Variants in ZEB1 observed in about 807,000 individuals in gnomAD.
ZEB1 encodes the protein zinc finger E-box-binding homeobox 1.
ZEB1 carries 21 observed loss-of-function variants against 84.9 expected under a neutral mutation model. The observed-to-expected ratio is 0.25, with a 90% CI of 0.18 to 0.36. The LOEUF (loss-of-function observed/expected upper bound fraction) is 0.36, where lower values mean the gene tolerates loss of function less well. Ranked by LOEUF, ZEB1 falls within the 10% of genes least tolerant of loss-of-function variation. The probability of loss-of-function intolerance (pLI) is 1.00; values close to 1 mark genes in which losing one functional copy is unlikely to be tolerated. For missense variants in ZEB1, 1,104 were observed against 1,330.2 expected (o/e 0.83, Z 2.65); for synonymous variants, 420 against 471.1 (o/e 0.89, Z 1.41).
intron 1 of ZEB1, among the ~76,000 whole-genome samples, chr10:31,451,412 C>A (rs1285102058): frequency 6.6e-6 from 1 of 152,072 alleles, no homozygotes; most frequent in Non-Finnish European, 1.5e-5. Context: ...ATATCAATTA[C>A]ATGGCTTCTC....
chr10:31,327,099 C>CTTTTTTTTTT (rs71527629), intron 1 of ZEB1, among the ~76,000 whole-genome samples: 664 of 84,736 alleles, frequency 7.8e-3, no homozygotes, highest in Non-Finnish European at 0.012. Context: ...CTTTTCTTTT[C>CTTTTTTTTTT]TTTTTTTTTT....
chr10:31,401,983 G>GA (rs941361360), intron 1 of ZEB1, among the ~76,000 whole-genome samples: 55 of 147,276 alleles, frequency 3.7e-4, no homozygotes, highest in Middle Eastern at 3.5e-3. Context: ...AACAGAAGAA[G>GA]AAAAAAAAAA....
chr10:31,333,053 G>A (rs1417305109), intron 1 of ZEB1, among the ~76,000 whole-genome samples: 1 of 152,024 alleles, frequency 6.6e-6, no homozygotes, highest in Non-Finnish European at 1.5e-5. Context: ...TTTTTTGGTG[G>A]GGAACATCAT....
intron 1 of ZEB1, among the ~76,000 whole-genome samples, chr10:31,423,025 C>T (rs1197737236): frequency 1.3e-5 from 2 of 151,776 alleles, no homozygotes; most frequent in African/African-American, 4.8e-5. Flanking sequence ...GGCTGCGTAG[C>T]ATTTCATGGT....
chr10:31,501,693 ATACT>A (rs1292354462), intron 3 of ZEB1, among the ~76,000 whole-genome samples: 1 of 152,134 alleles, frequency 6.6e-6, no homozygotes, highest in East Asian at 1.9e-4. Flanking sequence ...ATACTTATAT[ATACT>A]ATACTGTTTC....
chr10:31,500,786 G>A (rs191550693), intron 3 of ZEB1, among the ~76,000 whole-genome samples: 9 of 152,296 alleles, frequency 5.9e-5, no homozygotes, highest in Non-Finnish European at 1.2e-4. Flanking sequence ...TTACATGGAA[G>A]CTGAGGATCC....
intron 7 of ZEB1, 126 bp downstream of exon 7, chr10:31,522,062 A>G: frequency 7.1e-7 from 1 of 1,413,102 alleles, no homozygotes; most frequent in South Asian, 1.3e-5. Flanking sequence ...CATTTTTAAA[A>G]GGATCAATGT....
At chr10:31,397,480 C>T (rs2051022643) in intron 1 of ZEB1, among the ~76,000 whole-genome samples, 1 of 151,924 alleles carries the variant, frequency 6.6e-6, no homozygotes, top group South Asian at 2.1e-4. Flanking sequence ...AGTAGAAATT[C>T]CTTCCTATTT....
chr10:31,406,812 T>C lies in ZEB1; in HGVS notation c.59-54225T>C, dbSNP rs182557163. ...ATTGCCTAGTTTTTCTTCTAGAGTTTTTTATGGTTTTAGGTCTTATGTTTA... is the reference window on the plus strand; with the variant it reads ...ATTGCCTAGTTTTTCTTCTAGAGTTCTTTATGGTTTTAGGTCTTATGTTTA... On this transcript the variant is annotated intron_variant, in intron 1 of 8. Coordinates refer to ENST00000424869, the MANE Select transcript of ZEB1 (RefSeq NM_001174096.2). 1.7e-4 allele frequency among the ~76,000 whole-genome samples: 26 copies of C among 152,292 alleles called. No homozygotes were observed. In the East Asian group the frequency reaches 4.6e-3, roughly 27 times the overall value.
chr10:31,522,556 C>A (rs1368062592), intron 7 of ZEB1, among the ~76,000 whole-genome samples: 1 of 152,144 alleles, frequency 6.6e-6, no homozygotes, highest in Admixed American at 6.5e-5. Flanking sequence ...CCTTAACTAT[C>A]ACAGTGTTTA....
At chr10:31,501,794 A>G (rs976364959) in intron 3 of ZEB1, among the ~76,000 whole-genome samples, 3 of 152,166 alleles carry the variant, frequency 2.0e-5, no homozygotes, top group Non-Finnish European at 2.9e-5. Flanking sequence ...GGTTATAACA[A>G]TATGCTTTAA....
At chr10:31,373,282 G>GTC in intron 1 of ZEB1, 1 of 954,796 alleles carries the variant, frequency 1.0e-6, no homozygotes, top group Non-Finnish European at 1.2e-6. Context: ...AGGACATAAT[G>GTC]ACAAGTGTTT....
At chr10:31,348,151 A>G (rs1374792325) in intron 1 of ZEB1, among the ~76,000 whole-genome samples, 2 of 152,186 alleles carry the variant, frequency 1.3e-5, no homozygotes, top group Non-Finnish European at 2.9e-5. Flanking sequence ...CAGTGCCTAT[A>G]TATTACCAAG....
intron 2 of ZEB1, among the ~76,000 whole-genome samples, chr10:31,471,739 C>G (rs2063285818): frequency 6.9e-6 from 1 of 144,424 alleles, no homozygotes. Flanking sequence ...ACTCTCCACC[C>G]CAAATCAACA....
At position 31,469,875 on chromosome 10, in the gene ZEB1, T is replaced by C. The variant is rs1009399315; in HGVS notation, c.259+8638T>C. Among the ~76,000 whole-genome samples the C allele has an allele frequency of 1.1e-4, 16 of 151,882 alleles. No homozygotes were observed. The East Asian group carries it at 1.6e-3, about 15-fold the overall frequency. ...ACGCAGCTGGAGATCTGAGAACGGG[T>C]AGACTGCCTCCTCAAGTGGGTCCCT... On this transcript the variant is annotated intron_variant, in intron 2 of 8. Transcript: ENST00000424869.
chr10:31,384,456 G>T (rs1033828221), intron 1 of ZEB1, among the ~76,000 whole-genome samples: 1 of 152,198 alleles, frequency 6.6e-6, no homozygotes, highest in Non-Finnish European at 1.5e-5. Flanking sequence ...TAGTTTTAAC[G>T]CAGTTGCCTG....
intron 2 of ZEB1, among the ~76,000 whole-genome samples, chr10:31,481,966 A>G (rs1193013267): frequency 2.6e-5 from 4 of 152,096 alleles, no homozygotes; most frequent in East Asian, 3.9e-4. Flanking sequence ...TAAAAGAACT[A>G]TCAATGGATA....
chr10:31,469,187 A>T (rs953760750), intron 2 of ZEB1, among the ~76,000 whole-genome samples: 1 of 152,220 alleles, frequency 6.6e-6, no homozygotes, highest in Non-Finnish European at 1.5e-5. Flanking sequence ...CTTGACGACT[A>T]GTCTTTCAAA....
chr10:31,387,764 A>G (rs1171560175), intron 1 of ZEB1: 40 of 985,136 alleles, frequency 4.1e-5, no homozygotes, highest in Non-Finnish European at 4.8e-5. Context: ...ACACTTCAGA[A>G]AGTGTGGAAG....
Sources: allele counts gnomAD v4.1 joint callset (sites outside exome capture counted in the v4.1 genomes callset), GRCh38; gene constraint gnomAD v4.1.1; transcripts MANE v1.5; gene names NCBI Gene and HGNC (gene_info 2026-07-23, HGNC 2026-07-21).